The following FBXW10B variants were observed in gnomAD, a reference collection of about 807,000 sequenced individuals.
FBXW10B encodes the protein F-box and WD repeat domain containing 10B, also known as F-box and WD repeat domain containing protein 10B.
chr17:15,601,202 G>T, the FBXW10B span, among the ~76,000 whole-genome samples: 38 of 149,982 alleles, frequency 2.5e-4, no homozygotes, highest in Non-Finnish European at 4.9e-4. Flanking sequence ...AAGGTCAGGA[G>T]ATCGAGACCA....
the FBXW10B span, chr17:15,612,829 A>C: frequency 1.2e-6 from 2 of 1,601,480 alleles, no homozygotes; most frequent in Non-Finnish European, 1.7e-6. Flanking sequence ...GACCCCTGGA[A>C]AAACAAAAAA....
chr17:15,597,424 G>A, the FBXW10B span, among the ~76,000 whole-genome samples: 5 of 147,684 alleles, frequency 3.4e-5, no homozygotes, highest in South Asian at 4.3e-4. Flanking sequence ...TCAGGAAATC[G>A]AGACCAGCCT....
the FBXW10B span, among the ~76,000 whole-genome samples, chr17:15,575,965 C>G: frequency 6.6e-6 from 1 of 152,170 alleles, no homozygotes; most frequent in Non-Finnish European, 1.5e-5. Context: ...ATGTCAAATT[C>G]TTTCTGTGTG....
At chr17:15,612,160 A>G in the FBXW10B span, among the ~76,000 whole-genome samples, 29 of 152,292 alleles carry the variant, frequency 1.9e-4, no homozygotes, top group South Asian at 1.9e-3. Flanking sequence ...AACCCTGAGA[A>G]GACAACCAAA....
At chr17:15,577,829 T>C in the FBXW10B span, among the ~76,000 whole-genome samples, 1 of 151,928 alleles carries the variant, frequency 6.6e-6, no homozygotes, top group Non-Finnish European at 1.5e-5. Context: ...AATATAAAGA[T>C]GAATAGTGCA....
chr17:15,601,308 C>A, the FBXW10B span, among the ~76,000 whole-genome samples: 31,908 of 146,496 alleles, frequency 0.22, 3,796 homozygotes, highest in East Asian at 0.36. Flanking sequence ...ACTCGGGAGG[C>A]TGAGGAAGGA....
At chr17:15,607,597 G>A in the FBXW10B span, 2 of 1,613,788 alleles carry the variant, frequency 1.2e-6, no homozygotes, top group Admixed American at 1.7e-5. Context: ...TGCGAACATT[G>A]TAGGTCCCAC....
At chr17:15,614,543 A>G in the FBXW10B span, among the ~76,000 whole-genome samples, 2 of 152,066 alleles carry the variant, frequency 1.3e-5, no homozygotes, top group African/African-American at 2.4e-5. Flanking sequence ...CAGCTTTTTC[A>G]GCCCAAGGAG....
At chr17:15,610,692 G>T in the FBXW10B span, among the ~76,000 whole-genome samples, 1 of 152,084 alleles carries the variant, frequency 6.6e-6, no homozygotes, top group Non-Finnish European at 1.5e-5. Flanking sequence ...TTAAAGTGGC[G>T]GTGTTTGTCC....
At chr17:15,593,180 C>T in the FBXW10B span, 2 of 511,970 alleles carry the variant, frequency 3.9e-6, no homozygotes, top group Non-Finnish European at 5.0e-6. Context: ...TTAGTCCCCA[C>T]CACAAGACTA....
the FBXW10B span, among the ~76,000 whole-genome samples, chr17:15,616,527 C>T: frequency 1.3e-5 from 2 of 151,848 alleles, no homozygotes; most frequent in African/African-American, 2.4e-5. Flanking sequence ...GTTGTTGGTC[C>T]GGCGTGATGG....
chr17:15,594,939 A>C, the FBXW10B span: 1 of 1,608,812 alleles, frequency 6.2e-7, no homozygotes, highest in East Asian at 2.2e-5. Context: ...GACTCCTCCA[A>C]GAACCAAAGC....
At chr17:15,594,080 A>G in the FBXW10B span, among the ~76,000 whole-genome samples, 264 of 152,334 alleles carry the variant, frequency 1.7e-3, 4 homozygotes, top group Admixed American at 0.015. Flanking sequence ...TTTTTATCTA[A>G]CATATAGATG....
the FBXW10B span, among the ~76,000 whole-genome samples, chr17:15,601,523 C>G: frequency 1.3e-5 from 2 of 151,294 alleles, no homozygotes; most frequent in Non-Finnish European, 2.9e-5. Context: ...TTACAAAAAT[C>G]AATTGCATTT....
the FBXW10B span, chr17:15,615,851 G>C: frequency 1.9e-6 from 3 of 1,613,496 alleles, no homozygotes; most frequent in South Asian, 1.1e-5. Context: ...CTTGAAGTGG[G>C]TGTGTTGAGG....
the FBXW10B span, chr17:15,598,875 A>G: frequency 1.3e-6 from 1 of 784,808 alleles, no homozygotes. Context: ...GATAAAATGG[A>G]AATAATAATA....
the FBXW10B span, chr17:15,566,160 G>A: frequency 1.2e-6 from 2 of 1,611,106 alleles, no homozygotes; most frequent in South Asian, 1.1e-5. Flanking sequence ...AAGGTCCCCA[G>A]ACATCAGTAA....
chr17:15,594,549 T>A, the FBXW10B span: 4 of 674,618 alleles, frequency 5.9e-6, no homozygotes, highest in South Asian at 2.6e-5. Flanking sequence ...CAAGGGAGAG[T>A]GGAAGAGGCT....
chr17:15,594,984 C>T, the FBXW10B span: 10 of 1,548,966 alleles, frequency 6.5e-6, no homozygotes, highest in African/African-American at 2.7e-5. Flanking sequence ...AAGCCACCCC[C>T]CAACCAATCT....
Sources: gnomAD v4.1 joint callset for allele counts (sites outside exome capture counted in the v4.1 genomes callset) on GRCh38, gnomAD v4.1.1 for gene constraint, MANE v1.5 for transcripts, NCBI Gene and HGNC (gene_info 2026-07-23, HGNC 2026-07-21) for gene names.